Variants in FRMD6 observed in about 807,000 individuals in gnomAD.
FRMD6 encodes the protein FERM domain containing 6.
FRMD6 carries 37 observed loss-of-function variants against 73.2 expected under a neutral mutation model. That is an observed-to-expected ratio of 0.51 (90% confidence interval 0.39 to 0.66). FRMD6 has a LOEUF of 0.66. FRMD6 is among the 30% of genes least tolerant of loss of function. The pLI, the probability that FRMD6 is intolerant of heterozygous loss-of-function variation, is 0.00. For synonymous variants in FRMD6, 273 were observed against 282.2 expected (o/e 0.97, Z 0.33); for missense variants, 714 against 780.5 (o/e 0.91, Z 1.02).
intron 1 of FRMD6, among the ~76,000 whole-genome samples, chr14:51,662,486 A>G (rs1893285292): frequency 6.6e-6 from 1 of 152,206 alleles, no homozygotes; most frequent in Admixed American, 6.5e-5. Context: ...GAGCCCAGAA[A>G]TAAGGCCACA....
chr14:51,499,488 C>G (rs1407959301), intron 1 of FRMD6, among the ~76,000 whole-genome samples: 2 of 152,196 alleles, frequency 1.3e-5, no homozygotes, highest in East Asian at 3.8e-4. Flanking sequence ...TTATTTAATC[C>G]TTAAAGCAGT....
chr14:51,629,001 C>G (rs947650502), intron 2 of FRMD6, among the ~76,000 whole-genome samples: 19 of 150,964 alleles, frequency 1.3e-4, no homozygotes, highest in Non-Finnish European at 4.4e-5. Flanking sequence ...CTCAGCCTCC[C>G]GAGTAGCTGG....
At chr14:51,679,283 T>C (rs1894619583) in intron 1 of FRMD6, among the ~76,000 whole-genome samples, 1 of 12,382 alleles carries the variant, frequency 8.1e-5, no homozygotes, top group Non-Finnish European at 1.8e-4. Flanking sequence ...ACTAAGATTA[T>C]ATAAAAATAT....
chr14:51,560,868 C>T (rs1249642411), intron 1 of FRMD6, among the ~76,000 whole-genome samples: 1 of 152,178 alleles, frequency 6.6e-6, no homozygotes, highest in Non-Finnish European at 1.5e-5. Context: ...ACAAATTTCT[C>T]CAAACTCCAA....
At chr14:51,719,943 A>G in intron 10 of FRMD6, 112 bp from the exon 11 acceptor site, 1 of 766,848 alleles carries the variant, frequency 1.3e-6, no homozygotes, top group Non-Finnish European at 2.1e-6. Flanking sequence ...ACTACTTTCC[A>G]ATCACTAGAT....
At position 51,607,631 on chromosome 14, in the gene FRMD6, G is replaced by C. The variant is rs143200946; in HGVS notation, c.-147+37221G>C. Among the ~76,000 whole-genome samples the C allele has an allele frequency of 2.0e-4, 31 of 152,310 alleles. No individual in the cohort carries two copies. In the East Asian group the frequency reaches 5.8e-3, roughly 28 times the overall value. On this transcript the variant is annotated intron_variant, in intron 2 of 14. Coordinates refer to the FRMD6 transcript ENST00000356218. ...GGGATGATGGCTGGCAGCAGGAAGTGGATGGTCTTCCAGTCTGCACGCTTT... is the reference window on the plus strand; with the variant it reads ...GGGATGATGGCTGGCAGCAGGAAGTCGATGGTCTTCCAGTCTGCACGCTTT...
At chr14:51,538,285 T>C (rs1011794100) in intron 1 of FRMD6, among the ~76,000 whole-genome samples, 1 of 152,174 alleles carries the variant, frequency 6.6e-6, no homozygotes, top group Non-Finnish European at 1.5e-5. Flanking sequence ...AGAATATATA[T>C]TGTAGTTATA....
chr14:51,684,250 A>G (rs2140322493), intron 1 of FRMD6, among the ~76,000 whole-genome samples: 1 of 152,066 alleles, frequency 6.6e-6, no homozygotes, highest in East Asian at 1.9e-4. Flanking sequence ...AGGTACTGTT[A>G]TCAAAATAAA....
chr14:51,515,488 A>G (rs1221761969), intron 1 of FRMD6, among the ~76,000 whole-genome samples: 1 of 151,976 alleles, frequency 6.6e-6, no homozygotes, highest in Non-Finnish European at 1.5e-5. Context: ...TGGTGCCCCC[A>G]TTTGTTGGAA....
intron 10 of FRMD6, among the ~76,000 whole-genome samples, chr14:51,719,390 C>T (rs367780249): frequency 6.6e-6 from 1 of 152,196 alleles, no homozygotes; most frequent in Non-Finnish European, 1.5e-5. Context: ...CTCACTAATT[C>T]AGCCTAAGTG....
chr14:51,567,009 G>A (rs1351706103), intron 1 of FRMD6, among the ~76,000 whole-genome samples: 1 of 152,196 alleles, frequency 6.6e-6, no homozygotes, highest in Non-Finnish European at 1.5e-5. Context: ...TGCTACAGAT[G>A]AGCAAAGCAG....
At chr14:51,714,355 A>G (rs1177498951) in intron 9 of FRMD6, 1 of 152,044 alleles carries the variant, frequency 6.6e-6, no homozygotes, top group African/African-American at 2.4e-5. Context: ...TGCCTGGGCT[A>G]TACAAGCCCA....
chr14:51,596,909 T>G (rs965602074), intron 2 of FRMD6, among the ~76,000 whole-genome samples: 2 of 152,234 alleles, frequency 1.3e-5, no homozygotes, highest in East Asian at 3.8e-4. Context: ...TCAGATCTGC[T>G]GCTCTGTTGT....
chr14:51,421,193 T>C, the FRMD6 span, among the ~76,000 whole-genome samples: 1 of 152,166 alleles, frequency 6.6e-6, no homozygotes, highest in African/African-American at 2.4e-5. Flanking sequence ...GCAGCTACAT[T>C]TTGCAAGGCT....
At chr14:51,437,904 G>C in the FRMD6 span, among the ~76,000 whole-genome samples, 1 of 152,208 alleles carries the variant, frequency 6.6e-6, no homozygotes, top group Non-Finnish European at 1.5e-5. Context: ...TCTGCTGGAA[G>C]CTGGAAGTTG....
chr14:51,474,611 G>A, the FRMD6 span, among the ~76,000 whole-genome samples: 3 of 152,212 alleles, frequency 2.0e-5, no homozygotes, highest in Non-Finnish European at 4.4e-5. Flanking sequence ...CCAAGGGAGA[G>A]AGGAGAGAAT....
At chr14:51,468,236 T>C in the FRMD6 span, among the ~76,000 whole-genome samples, 114 of 137,766 alleles carry the variant, frequency 8.3e-4, no homozygotes, top group South Asian at 5.9e-3. Context: ...GCGGAGATGG[T>C]GGCAGTACAG....
the FRMD6 span, among the ~76,000 whole-genome samples, chr14:51,449,999 A>G: frequency 6.6e-6 from 1 of 152,250 alleles, no homozygotes; most frequent in African/African-American, 2.4e-5. Context: ...ATTAAAATTC[A>G]TAAAGCTGTT....
At chr14:51,493,534 C>T (rs574327878) in intron 1 of FRMD6, among the ~76,000 whole-genome samples, 2 of 152,264 alleles carry the variant, frequency 1.3e-5, no homozygotes, top group South Asian at 4.2e-4. Context: ...TGATTTTGCT[C>T]TTCCTTTGCC....
Sources: allele counts gnomAD v4.1 joint callset (sites outside exome capture counted in the v4.1 genomes callset), GRCh38; gene constraint gnomAD v4.1.1; transcripts MANE v1.5; gene names NCBI Gene and HGNC (gene_info 2026-07-23, HGNC 2026-07-21).